GPHN: variants seen among roughly 807,000 people sequenced by gnomAD.
GPHN encodes gephyrin.
In GPHN, 17 loss-of-function variants were observed where a neutral mutation model predicts 95.5. The ratio of observed to expected loss-of-function variants is 0.18; its 90% confidence interval spans 0.12 to 0.27. GPHN has a LOEUF of 0.27. GPHN is among the 10% of genes least tolerant of loss of function. The probability of loss-of-function intolerance (pLI) is 1.00; values close to 1 mark genes in which losing one functional copy is unlikely to be tolerated. For synonymous variants in GPHN, 320 were observed against 322.5 expected (o/e 0.99, Z 0.08); for missense variants, 660 against 978.1 (o/e 0.67, Z 4.34).
chr14:67,142,711 C>A (rs1193111480), intron 17 of GPHN, among the ~76,000 whole-genome samples: 2 of 152,146 alleles, frequency 1.3e-5, no homozygotes, highest in African/African-American at 4.8e-5. Context: ...CCAAATTCAT[C>A]AGCTTGAGGG....
downstream of GPHN, among the ~76,000 whole-genome samples, chr14:67,185,753 T>C (rs2083365504): frequency 1.3e-5 from 2 of 152,214 alleles, no homozygotes. Flanking sequence ...GGCTTTCATA[T>C]TTAAAATTAT....
At chr14:66,681,732 A>T (rs1430669559) in intron 2 of GPHN, among the ~76,000 whole-genome samples, 1 of 152,156 alleles carries the variant, frequency 6.6e-6, no homozygotes. Context: ...TTTCTAATAC[A>T]TATACTCTAC....
intron 5 of GPHN, among the ~76,000 whole-genome samples, chr14:66,899,122 C>CTTTTTTTTT (rs149566081): frequency 7.6e-6 from 1 of 130,798 alleles, no homozygotes; most frequent in African/African-American, 2.7e-5. Flanking sequence ...AGGGCTTTTT[C>CTTTTTTTTT]TTTTTTTTTT....
intron 4 of GPHN, among the ~76,000 whole-genome samples, chr14:66,840,957 T>C (rs1047713375): frequency 6.8e-6 from 1 of 146,312 alleles, no homozygotes; most frequent in Non-Finnish European, 1.5e-5. Context: ...AAATATGTAC[T>C]TAAAGCCTAC....
At position 66,725,277 on chromosome 14, in the gene GPHN, C is replaced by G. The variant is rs76466840; in HGVS notation, c.143+44092C>G. 3.7e-3 allele frequency among the ~76,000 whole-genome samples: 557 copies of G among 152,308 alleles called. 12 individuals are homozygous for G. The highest frequency in any genetic ancestry group is 0.013 in the African/African-American group (531 of 41,576). On this transcript the variant is annotated intron_variant, in intron 2 of 22. Transcript: ENST00000478722. The stretch of plus-strand genomic sequence containing the variant: ...CTACCTGATTAACACATCTGCCAAG[C>G]TGAAATGTTGGACACCTGTCAAGTT...
chr14:67,086,809 T>G (rs1398820902), intron 11 of GPHN, among the ~76,000 whole-genome samples: 1 of 150,552 alleles, frequency 6.6e-6, no homozygotes, highest in Non-Finnish European at 1.5e-5. Flanking sequence ...GAGGCCAAGG[T>G]GGGCGGATCA....
chr14:67,713,189 C>T, the GPHN span, among the ~76,000 whole-genome samples: 1 of 151,716 alleles, frequency 6.6e-6, no homozygotes, highest in Non-Finnish European at 1.5e-5. Flanking sequence ...AGCTACATAC[C>T]TAGGGATGGG....
intron 18 of GPHN, among the ~76,000 whole-genome samples, chr14:67,144,247 AAAAATATATATATATATATATATATAT>A (rs2080709226): frequency 2.9e-5 from 2 of 68,528 alleles, no homozygotes; most frequent in African/African-American, 1.5e-4. Flanking sequence ...AAAAAAAAAA[AAAAATATATATATATATATATATATAT>A]ATATATATAT....
In GPHN at chr14:66,720,426, C is replaced by T. The variant is rs537565738; in HGVS notation, c.143+39241C>T. Among the ~76,000 whole-genome samples the T allele has an allele frequency of 2.6e-5, 4 of 152,212 alleles. 1 individual carries two copies. The highest frequency in any genetic ancestry group is 9.6e-5 in the African/African-American group (4 of 41,530). ...AAAATTTGCTGGGGGTGGTTGTGCA[C>T]ATCTAAAATTTCAGCTACTTGGGAG... On this transcript the variant is annotated intron_variant, in intron 2 of 22. Transcript: ENST00000478722.
intron 3 of GPHN, among the ~76,000 whole-genome samples, chr14:66,786,578 A>G (rs1470223302): frequency 6.6e-6 from 1 of 152,140 alleles, no homozygotes; most frequent in African/African-American, 2.4e-5. Flanking sequence ...AGACAGTGCA[A>G]AGAAAGAAAA....
chr14:66,961,535 C>T (rs1034961786), intron 8 of GPHN, among the ~76,000 whole-genome samples: 13 of 150,930 alleles, frequency 8.6e-5, no homozygotes, highest in African/African-American at 3.2e-4. Flanking sequence ...ACTAGTTATC[C>T]AGAATAAATA....
chr14:67,010,030 A>G (rs540983735), intron 9 of GPHN, among the ~76,000 whole-genome samples: 2 of 151,632 alleles, frequency 1.3e-5, no homozygotes, highest in South Asian at 4.2e-4. Flanking sequence ...AAGTGCTGGG[A>G]TTACAGACGT....
At chr14:66,770,308 G>A (rs2059118788) in intron 2 of GPHN, among the ~76,000 whole-genome samples, 1 of 151,976 alleles carries the variant, frequency 6.6e-6, no homozygotes, top group South Asian at 2.1e-4. Flanking sequence ...AGTTTATTTT[G>A]CTCTGCAGAA....
the GPHN span, chr14:67,576,598 G>C: frequency 2.9e-5 from 19 of 654,546 alleles, no homozygotes; most frequent in Admixed American, 1.4e-4. This position sits in a 1 kb window ranked among gnomAD's most constrained non-coding sequence, Gnocchi z 4.0. Context: ...GTACCCTGAA[G>C]CTGTTTTTAA....
rs144761253 is a variant in GPHN at position 66,614,476 on chromosome 14, A to T, written c.65-66631A>T. Among the ~76,000 whole-genome samples the T allele has an allele frequency of 2.2e-3, 341 of 152,132 alleles. 3 individuals carry two copies. In the Middle Eastern group the frequency reaches 0.024, roughly 11 times the overall value. ...ATGATATTGAATTAATTTAAAACTT[A>T]TTCACTTATTGTAATAGATTATATA... On this transcript the variant is annotated intron_variant, in intron 1 of 22. Coordinates refer to ENST00000478722, the MANE Select transcript of GPHN (RefSeq NM_020806.5).
chr14:66,600,524 TA>T (rs1218463871), intron 1 of GPHN, among the ~76,000 whole-genome samples: 4 of 152,142 alleles, frequency 2.6e-5, no homozygotes, highest in Admixed American at 6.5e-5. Context: ...ACGTAACTTT[TA>T]AAAAATGTGT....
chr14:67,636,132 G>T, the GPHN span, among the ~76,000 whole-genome samples: 3 of 152,112 alleles, frequency 2.0e-5, no homozygotes, highest in South Asian at 6.2e-4. Context: ...TCTACCAATG[G>T]GTTGCCTGTG....
intron 1 of GPHN, among the ~76,000 whole-genome samples, chr14:66,669,910 C>G (rs1377747586): frequency 6.6e-6 from 1 of 152,138 alleles, no homozygotes; most frequent in African/African-American, 2.4e-5. Flanking sequence ...TTTTTTCAGG[C>G]AACTCTAGCA....
chr14:66,868,572 T>G (rs976910367), intron 4 of GPHN, among the ~76,000 whole-genome samples: 34 of 152,156 alleles, frequency 2.2e-4, no homozygotes, highest in Admixed American at 1.8e-3. Context: ...TTTTGTATTT[T>G]TAGTAGAGAC....
Sources: gnomAD v4.1 joint callset for allele counts (sites outside exome capture counted in the v4.1 genomes callset) on GRCh38, gnomAD v4.1.1 for gene constraint, Gnocchi (gnomAD v3.1) non-coding constraint, MANE v1.5 for transcripts, NCBI Gene and HGNC (gene_info 2026-07-23, HGNC 2026-07-21) for gene names.